The following PARD6G variants were observed in gnomAD, a reference collection of about 807,000 sequenced individuals.
PARD6G encodes the protein par-6 family cell polarity regulator gamma.
A neutral mutation model predicts 10.7 loss-of-function variants in PARD6G; 7 were observed. The ratio of observed to expected loss-of-function variants is 0.66; its 90% CI spans 0.37 to 1.23. The LOEUF is 1.23. Ranked by LOEUF, PARD6G falls within the 50% of genes most tolerant of loss-of-function variation. PARD6G has a pLI of 0.02. For synonymous variants in PARD6G, 287 were observed against 269.4 expected, an observed-to-expected ratio of 1.07 and a Z score of -0.64; for missense variants, 548 against 571.8, an observed-to-expected ratio of 0.96 and a Z score of 0.42.
intron 2 of PARD6G, chr18:80,170,365 A>T (rs1431740999): frequency 6.6e-6 from 1 of 152,210 alleles, no homozygotes; most frequent in Non-Finnish European, 1.5e-5. Context: ...TCCTCAGGGG[A>T]TTCTTCCAGG....
At chr18:80,237,885 T>C (rs1209078288) in intron 1 of PARD6G, among the ~76,000 whole-genome samples, 3 of 152,076 alleles carry the variant, frequency 2.0e-5, no homozygotes, top group African/African-American at 7.3e-5. Flanking sequence ...AGGAACACTT[T>C]TACACTGTTG....
At chr18:80,214,610 G>T (rs1484436441) in intron 1 of PARD6G, among the ~76,000 whole-genome samples, 1 of 152,118 alleles carries the variant, frequency 6.6e-6, no homozygotes, top group Non-Finnish European at 1.5e-5. Context: ...CAGCAGATTA[G>T]AGATGGCAAA....
In PARD6G at chr18:80,201,528, C is replaced by G. The variant is rs1967006857; in HGVS notation, c.295+1182G>C. Reference sequence around the variant, plus strand: ...GAGGAAGTGACAGCTGTGTTGACTTCTCAGCACCGTCAGCAGGATACCCAG... The same window carrying G: ...GAGGAAGTGACAGCTGTGTTGACTTGTCAGCACCGTCAGCAGGATACCCAG... On this transcript the variant is annotated intron_variant, in intron 2 of 2. Transcript: ENST00000353265. The surrounding 1 kb of genome is among the most constrained non-coding windows in gnomAD (Gnocchi z 5.9). Among the ~76,000 whole-genome samples the G allele has an allele frequency of 6.6e-6, 1 of 152,200 alleles. No homozygotes were observed. Among genetic ancestry groups the G allele is most frequent in the Admixed American group, 6.5e-5 (1 of 15,282 alleles).
rs776313209 is a variant in PARD6G at position 80,160,281 on chromosome 18, G to C, written c.621C>G (p.Thr207=). Residue 207 remains threonine, a synonymous_variant, in exon 3 of 3, where the codon ACC becomes ACG. Coordinates refer to ENST00000353265, the MANE Select transcript of PARD6G (RefSeq NM_032510.4). ...RMVPGGLAES[T]GLLAVNDEVL... ...CCTCGTCATTCACAGCCAGCAGCCC[G>C]GTGCTCTCCGCCAGGCCCCCGGGTA... The C allele has an allele frequency of 1.2e-6, 2 of 1,612,146 alleles. No homozygotes were observed. Among genetic ancestry groups the C allele is most frequent in the East Asian group, 4.5e-5 (2 of 44,812 alleles).
In PARD6G at chr18:80,160,542, C is replaced by T. The variant is rs143404146; in HGVS notation, c.360G>A (p.Ala120=). The change falls in exon 3 of 3, where the codon GCG becomes GCA. Residue 120 remains alanine, a synonymous_variant. Transcript: ENST00000353265. ...SLCRRRRALG[A]LRDEGPRRRA... is the part of the protein sequence containing the mutation. ...GCCGCCGGGGTCCTTCATCACGCAG[C>T]GCGCCCAGCGCCCGCCTCCGCCTGC... 2.8e-3 allele frequency: 4,209 copies of T among 1,494,400 alleles called. 13 individuals are homozygous for T. The highest frequency in any genetic ancestry group is 3.3e-3 in the Non-Finnish European group (3,665 of 1,124,282). The allele number at this position is 1,494,400 out of a possible 1,614,324, so 92.6% of individuals were successfully genotyped here. A position where few individuals can be genotyped will look rare whatever the true frequency, so the allele number is the denominator to read the frequency against.
intron 1 of PARD6G, among the ~76,000 whole-genome samples, chr18:80,220,549 T>C (rs1340529191): frequency 2.0e-5 from 3 of 152,200 alleles, no homozygotes; most frequent in African/African-American, 4.8e-5. Context: ...TTAATGTTAG[T>C]TGTTAATAAT....
At chr18:80,191,467 C>T (rs1454421194) in intron 2 of PARD6G, among the ~76,000 whole-genome samples, 2 of 152,198 alleles carry the variant, frequency 1.3e-5, no homozygotes, top group Admixed American at 6.5e-5. Context: ...GAGTGCCGAC[C>T]ACAGCTCACC....
rs533772240 is a variant in PARD6G, at chr18:80,232,154, A to T, written c.72+15123T>A. Among the ~76,000 whole-genome samples the T allele has an allele frequency of 1.6e-3, 246 of 152,110 alleles. 1 individual carries two copies. The highest frequency in any genetic ancestry group is 5.7e-3 in the African/African-American group (237 of 41,516). ...GAGCCAGCAGCTCTGGGTGGAGATA[A>T]AGAGTGGTAGGTTCTGCCCCCGCCC... On this transcript the variant is annotated intron_variant, in intron 1 of 2. Transcript: ENST00000353265.
rs563854037 is a variant in PARD6G at position 80,246,885 on chromosome 18, C to G, written c.72+392G>C. The stretch of plus-strand genomic sequence containing the variant: ...CATCCCACGGCCCGGGCCCCCAGAG[C>G]CCCCCCACGGCCCCGAATCCGAGCA... On this transcript the variant is annotated intron_variant, in intron 1 of 2. Transcript: ENST00000353265. This position sits in a 1 kb window ranked among gnomAD's most constrained non-coding sequence, Gnocchi z 6.7. 6.6e-6 allele frequency among the ~76,000 whole-genome samples: 1 copy of G among 151,878 alleles called. No homozygotes were observed. The highest frequency in any genetic ancestry group is 2.1e-4 in the South Asian group (1 of 4,832).
chr18:80,179,223 AT>A (rs34650022), intron 2 of PARD6G, among the ~76,000 whole-genome samples: 4,383 of 139,208 alleles, frequency 0.031, 76 homozygotes, highest in African/African-American at 0.051. Context: ...GGCTGCAGTC[AT>A]TTTTTTTTTT....
intron 1 of PARD6G, among the ~76,000 whole-genome samples, chr18:80,217,880 C>T (rs998030259): frequency 3.7e-4 from 57 of 152,282 alleles, no homozygotes; most frequent in African/African-American, 1.3e-3. Flanking sequence ...GAAGGGGAAG[C>T]AAACACATCC....
chr18:80,201,142 G>C lies in PARD6G; in HGVS notation c.295+1568C>G, dbSNP rs180718866. On this transcript the variant is annotated intron_variant, in intron 2 of 2. Transcript: ENST00000353265. The surrounding 1 kb of genome is among the most constrained non-coding windows in gnomAD (Gnocchi z 5.9). ...CGGCAAACCAGCTCTGGGAGCAATG[G>C]ACAGAGCCCAGAGGAAGCCGAGTAA... is the stretch of plus-strand genomic sequence containing the variant. Among the ~76,000 whole-genome samples, 8 of 152,282 alleles carry C rather than the reference G, an allele frequency of 5.3e-5. No homozygotes were observed. Among genetic ancestry groups the C allele is most frequent in the Non-Finnish European group, 1.0e-4 (7 of 68,020 alleles).
At chr18:80,234,708 G>GT (rs1233799344) in intron 1 of PARD6G, among the ~76,000 whole-genome samples, 2 of 152,110 alleles carry the variant, frequency 1.3e-5, no homozygotes, top group Non-Finnish European at 2.9e-5. Context: ...GCCCAGGTGA[G>GT]TGACTGGTGA....
At chr18:80,224,663 C>T (rs566888704) in intron 1 of PARD6G, among the ~76,000 whole-genome samples, 37 of 152,222 alleles carry the variant, frequency 2.4e-4, no homozygotes, top group South Asian at 1.9e-3. Flanking sequence ...CTGGCTAACA[C>T]GGTGAAACCC....
intron 1 of PARD6G, among the ~76,000 whole-genome samples, chr18:80,204,683 T>C (rs549288518): frequency 6.6e-6 from 1 of 151,182 alleles, no homozygotes; most frequent in South Asian, 2.1e-4. Flanking sequence ...GCATGGTGGC[T>C]CACGCCTGTA....
intron 1 of PARD6G, among the ~76,000 whole-genome samples, chr18:80,209,632 G>A (rs1967087534): frequency 6.6e-6 from 1 of 152,016 alleles, no homozygotes; most frequent in Admixed American, 6.5e-5. Flanking sequence ...GCAACATGGG[G>A]AAACCATGTC....
chr18:80,197,558 A>G (rs1020057311), intron 2 of PARD6G: 1 of 152,252 alleles, frequency 6.6e-6, no homozygotes, highest in Non-Finnish European at 1.5e-5. Flanking sequence ...TGTGCTGAAC[A>G]TCTTTCGGTG....
At chr18:80,241,307 T>C (rs985020009) in intron 1 of PARD6G, among the ~76,000 whole-genome samples, 11 of 152,158 alleles carry the variant, frequency 7.2e-5, no homozygotes, top group African/African-American at 2.4e-4. Context: ...CTAGACTATC[T>C]GGGTTCCAAC....
intron 2 of PARD6G, among the ~76,000 whole-genome samples, chr18:80,176,954 C>T (rs995374705): frequency 1.3e-5 from 2 of 150,306 alleles, no homozygotes; most frequent in Non-Finnish European, 3.0e-5. Context: ...TGCATGCACA[C>T]ACACACAGGC....
Sources: gnomAD v4.1 joint callset for allele counts (sites outside exome capture counted in the v4.1 genomes callset) on GRCh38, gnomAD v4.1.1 for gene constraint, Gnocchi (gnomAD v3.1) non-coding constraint, MANE v1.5 for transcripts, NCBI Gene and HGNC (gene_info 2026-07-23, HGNC 2026-07-21) for gene names.